CYRIA: variants seen among roughly 807,000 people sequenced by gnomAD.
CYRIA encodes the protein CYFIP related Rac1 interactor A.
CYRIA carries 15 observed loss-of-function variants against 43.9 expected under a neutral mutation model. That is an observed-to-expected ratio of 0.34 (90% CI 0.23 to 0.53). The LOEUF (loss-of-function observed/expected upper bound fraction) is 0.53. CYRIA is among the 20% of genes least tolerant of loss of function. The probability of loss-of-function intolerance (pLI) is 0.94; values close to 1 mark genes in which losing one functional copy is unlikely to be tolerated. For missense variants in CYRIA, 236 were observed against 394.2 expected, an observed-to-expected ratio of 0.60 and a Z score of 3.40; for synonymous variants, 117 against 136.0, an observed-to-expected ratio of 0.86 and a Z score of 0.97.
At chr2:16,592,549 C>G (rs1368237939) in intron 2 of CYRIA, among the ~76,000 whole-genome samples, 2 of 152,142 alleles carry the variant, frequency 1.3e-5, no homozygotes, top group Non-Finnish European at 1.5e-5. Context: ...GTCTGGGCAT[C>G]TGGGTCACTG....
At chr2:16,647,709 C>A (rs1312132506) in intron 1 of CYRIA, among the ~76,000 whole-genome samples, 1 of 152,214 alleles carries the variant, frequency 6.6e-6, no homozygotes, top group Non-Finnish European at 1.5e-5. Context: ...TCCCCACTTT[C>A]TTTCTCCTCT....
chr2:16,656,408 C>T (rs999879757), intron 1 of CYRIA, among the ~76,000 whole-genome samples: 2 of 152,188 alleles, frequency 1.3e-5, no homozygotes, highest in African/African-American at 4.8e-5. Context: ...TTTCTAAGGG[C>T]CAGCCATCCC....
chr2:16,600,137 A>C (rs1476509739), intron 2 of CYRIA, among the ~76,000 whole-genome samples: 2 of 152,366 alleles, frequency 1.3e-5, no homozygotes, highest in East Asian at 3.9e-4. Flanking sequence ...ACAAATGTCT[A>C]ATAAAGAAAA....
chr2:16,608,686 G>C (rs1357159089), intron 2 of CYRIA, among the ~76,000 whole-genome samples: 2 of 152,196 alleles, frequency 1.3e-5, no homozygotes, highest in Non-Finnish European at 2.9e-5. Context: ...AGATAATGCA[G>C]GTAGAAGTTC....
intron 3 of CYRIA, among the ~76,000 whole-genome samples, chr2:16,572,329 A>AT (rs1667159554): frequency 2.9e-5 from 4 of 139,532 alleles, no homozygotes; most frequent in African/African-American, 1.0e-4. Flanking sequence ...CCAAAAAATG[A>AT]ATTTTTTTTT....
chr2:16,637,345 G>A (rs538255646), intron 1 of CYRIA, among the ~76,000 whole-genome samples: 1 of 152,308 alleles, frequency 6.6e-6, no homozygotes, highest in African/African-American at 2.4e-5. Context: ...TCTTTGGGAA[G>A]AATCAGGTCA....
intron 1 of CYRIA, among the ~76,000 whole-genome samples, chr2:16,627,799 C>T (rs1053105435): frequency 6.6e-6 from 1 of 152,146 alleles, no homozygotes; most frequent in African/African-American, 2.4e-5. Flanking sequence ...TACCTAGTGC[C>T]CTCTGGGTAG....
intron 1 of CYRIA, among the ~76,000 whole-genome samples, chr2:16,659,851 C>T (rs1347556520): frequency 6.6e-6 from 1 of 152,144 alleles, no homozygotes; most frequent in Non-Finnish European, 1.5e-5. Flanking sequence ...ATTGCAGTAA[C>T]CAAGGCATCT....
At chr2:16,592,294 A>G (rs1012161760) in intron 2 of CYRIA, among the ~76,000 whole-genome samples, 2 of 152,176 alleles carry the variant, frequency 1.3e-5, no homozygotes, top group African/African-American at 4.8e-5. Flanking sequence ...TCAAACTGGT[A>G]TAAGGTCTTG....
chr2:16,619,849 A>G (rs529199338), intron 2 of CYRIA, among the ~76,000 whole-genome samples: 45 of 152,166 alleles, frequency 3.0e-4, no homozygotes, highest in Non-Finnish European at 6.3e-4. Flanking sequence ...TTATTTATAG[A>G]GTGCAGTTCT....
At chr2:16,564,629 C>G (rs899060580) in intron 4 of CYRIA, among the ~76,000 whole-genome samples, 3 of 151,908 alleles carry the variant, frequency 2.0e-5, no homozygotes, top group Non-Finnish European at 1.5e-5. Flanking sequence ...GTGTTCTTTT[C>G]AGAAGGATGG....
At chr2:16,574,043 G>C (rs143845171) in intron 3 of CYRIA, among the ~76,000 whole-genome samples, 1 of 152,300 alleles carries the variant, frequency 6.6e-6, no homozygotes, top group African/African-American at 2.4e-5. Context: ...ACTCCCTAGA[G>C]ACTTGCTGAA....
intron 2 of CYRIA, among the ~76,000 whole-genome samples, chr2:16,607,328 T>A (rs989126553): frequency 2.8e-5 from 4 of 144,694 alleles, no homozygotes; most frequent in East Asian, 2.1e-4. Context: ...GGGTGGGGGG[T>A]GCTACTTCCT....
At chr2:16,656,802 A>G (rs1670125831) in intron 1 of CYRIA, among the ~76,000 whole-genome samples, 1 of 152,252 alleles carries the variant, frequency 6.6e-6, no homozygotes. Flanking sequence ...GCCACTGCCA[A>G]TGGCCATGCT....
intron 1 of CYRIA, among the ~76,000 whole-genome samples, chr2:16,642,814 G>C (rs1669713045): frequency 6.6e-6 from 1 of 152,030 alleles, no homozygotes; most frequent in Non-Finnish European, 1.5e-5. Context: ...CCTTTTAATA[G>C]TTTTTGCTCA....
At chr2:16,632,877 T>G (rs1669369879) in intron 1 of CYRIA, among the ~76,000 whole-genome samples, 1 of 152,104 alleles carries the variant, frequency 6.6e-6, no homozygotes, top group South Asian at 2.1e-4. Context: ...GGTCATATGA[T>G]CAGTATTCAG....
In CYRIA at chr2:16,625,755, G is replaced by A. The variant is rs550621203; in HGVS notation, c.-166-1736C>T. On this transcript the variant is annotated intron_variant, in intron 1 of 11. Coordinates refer to ENST00000381323, the MANE Select transcript of CYRIA (RefSeq NM_030797.4). ...TTTGACTGTGGCTGAGGGGCCAGGC[G>A]TGTCACAAAAGGATCTGGAAACAAG... 8.5e-5 allele frequency: 13 copies of A among 152,170 alleles called. No homozygotes were observed. The East Asian group carries it at 9.7e-4, about 11-fold the overall frequency. 9.4% of individuals were successfully genotyped at this position (152,170 alleles called of 1,614,324 possible).
rs79545456 is a variant in CYRIA, at chr2:16,569,526, G to C, written c.71-3759C>G. Among the ~76,000 whole-genome samples, 1,417 of 152,246 alleles carry C rather than the reference G, an allele frequency of 9.3e-3. 19 individuals are homozygous for C. Among genetic ancestry groups the C allele is most frequent in the African/African-American group, 0.032 (1,345 of 41,538 alleles). On this transcript the variant is annotated intron_variant, in intron 3 of 11. Transcript: ENST00000381323. Reference sequence around the variant, plus strand: ...CATGAAACTGAAGTCACCTCTTCCAGCTATAATTAGACGGGCAGCACAGTT... The same window carrying C: ...CATGAAACTGAAGTCACCTCTTCCACCTATAATTAGACGGGCAGCACAGTT...
At chr2:16,564,380 C>T (rs79785578) in intron 4 of CYRIA, among the ~76,000 whole-genome samples, 285 of 152,268 alleles carry the variant, frequency 1.9e-3, no homozygotes, top group African/African-American at 6.8e-3. Flanking sequence ...AAACTCAGCC[C>T]TCTCCATCAC....
Sources: allele counts gnomAD v4.1 joint callset (sites outside exome capture counted in the v4.1 genomes callset), GRCh38; gene constraint gnomAD v4.1.1; transcripts MANE v1.5; gene names NCBI Gene and HGNC (gene_info 2026-07-23, HGNC 2026-07-21).